The following AUH variants were observed in gnomAD, a reference collection of about 807,000 sequenced individuals.
The protein encoded by AUH is methylglutaconyl-CoA hydratase, mitochondrial.
A neutral mutation model predicts 42.3 loss-of-function variants in AUH; 29 were observed. The observed-to-expected ratio is 0.69, with a 90% CI of 0.51 to 0.93. The LOEUF is 0.93. Among genes scored for constraint, AUH ranks in the 40% least tolerant of loss-of-function variants. AUH has a pLI of 0.00. For missense variants in AUH, 452 were observed against 438.1 expected (o/e 1.03, Z -0.28); for synonymous variants, 174 against 166.4 (o/e 1.05, Z -0.35).
chr9:91,249,723 G>C (rs1306080181), intron 6 of AUH, among the ~76,000 whole-genome samples: 1 of 152,016 alleles, frequency 6.6e-6, no homozygotes, highest in Non-Finnish European at 1.5e-5. Flanking sequence ...TTTAAATCAG[G>C]GGTTCTGGCC....
chr9:91,268,516 G>A (rs7869154), intron 6 of AUH, among the ~76,000 whole-genome samples: 17,484 of 151,826 alleles, frequency 0.12, 1,129 homozygotes, highest in African/African-American at 0.17. Flanking sequence ...CTGCAACCTC[G>A]GCCTTCCAGG....
intron 3 of AUH, among the ~76,000 whole-genome samples, chr9:91,342,508 T>C (rs1831184017): frequency 6.6e-6 from 1 of 152,222 alleles, no homozygotes; most frequent in Non-Finnish European, 1.5e-5. Context: ...AGCAGAGTGA[T>C]GTGATCCATT....
At chr9:91,218,404 T>C (rs1414036298) in intron 7 of AUH, among the ~76,000 whole-genome samples, 1 of 152,212 alleles carries the variant, frequency 6.6e-6, no homozygotes, top group African/African-American at 2.4e-5. Context: ...GGTGTGCTCC[T>C]CTAATTTTTC....
chr9:91,223,426 C>T (rs1188848307), intron 6 of AUH, among the ~76,000 whole-genome samples: 1 of 151,970 alleles, frequency 6.6e-6, no homozygotes, highest in Non-Finnish European at 1.5e-5. Context: ...GGCTGAATAA[C>T]ATTCCATTGT....
At chr9:91,250,411 G>C (rs182267188) in intron 6 of AUH, among the ~76,000 whole-genome samples, 106 of 152,326 alleles carry the variant, frequency 7.0e-4, no homozygotes, top group Middle Eastern at 3.4e-3. Flanking sequence ...CTTGTTCACT[G>C]CATGTCCTGA....
At chr9:91,283,175 C>T (rs1277573836) in intron 6 of AUH, among the ~76,000 whole-genome samples, 2 of 152,124 alleles carry the variant, frequency 1.3e-5, no homozygotes, top group African/African-American at 2.4e-5. Flanking sequence ...AATCAATAAA[C>T]GTAATCCAGC....
Position 91,299,452 on chromosome 9 carries a change from C to T in AUH, c.506-1376G>A, listed in dbSNP as rs531111332. 4.6e-5 allele frequency among the ~76,000 whole-genome samples: 7 copies of T among 152,268 alleles called. No individual in the cohort carries two copies. The South Asian group carries it at 1.0e-3, about 23-fold the overall frequency. On this transcript the variant is annotated intron_variant, in intron 4 of 9. Transcript: ENST00000375731. Reference sequence around the variant, plus strand: ...ATACACAGCTGCCGCCTGAAGCACTCCCAGAAGAGCAGGCGTGGAAGGGGC... The same window carrying T: ...ATACACAGCTGCCGCCTGAAGCACTTCCAGAAGAGCAGGCGTGGAAGGGGC...
At chr9:91,236,629 G>A (rs1369460522) in intron 6 of AUH, among the ~76,000 whole-genome samples, 2 of 152,158 alleles carry the variant, frequency 1.3e-5, no homozygotes, top group African/African-American at 4.8e-5. Context: ...AGGAAATCGA[G>A]ATTCAGAACA....
chr9:91,230,984 G>C (rs533346862), intron 6 of AUH, among the ~76,000 whole-genome samples: 2 of 152,354 alleles, frequency 1.3e-5, no homozygotes, highest in East Asian at 3.9e-4. Flanking sequence ...ATTTAAGTCT[G>C]CAGAGGTTAC....
intron 6 of AUH, among the ~76,000 whole-genome samples, chr9:91,232,734 T>C (rs1335966998): frequency 6.6e-6 from 1 of 152,258 alleles, no homozygotes; most frequent in Non-Finnish European, 1.5e-5. Context: ...TAAGGCTTTT[T>C]GCCTTGGCTG....
chr9:91,248,929 T>C (rs1382369231), intron 6 of AUH, among the ~76,000 whole-genome samples: 1 of 152,182 alleles, frequency 6.6e-6, no homozygotes, highest in East Asian at 1.9e-4. Context: ...AACACTGTGA[T>C]ACTGTGACTA....
chr9:91,349,381 A>C lies in AUH; in HGVS notation c.418+6502T>G, dbSNP rs190873621. On this transcript the variant is annotated intron_variant, in intron 3 of 9. Transcript: ENST00000375731. ...ATCATATATCTTAGGAAATTTCAAA[A>C]GAAAAAATCCTCATTCTCAGTAATT... Among the ~76,000 whole-genome samples the C allele has an allele frequency of 3.9e-5, 6 of 152,374 alleles. No homozygotes were observed. In the South Asian group the frequency reaches 6.2e-4, roughly 16 times the overall value.
intron 3 of AUH, among the ~76,000 whole-genome samples, chr9:91,343,540 G>A (rs1289560508): frequency 6.6e-6 from 1 of 152,224 alleles, no homozygotes; most frequent in Non-Finnish European, 1.5e-5. Flanking sequence ...GCTGAGGCAG[G>A]CGGCCTTGAG....
chr9:91,300,121 G>A (rs1827667748), intron 4 of AUH, among the ~76,000 whole-genome samples: 1 of 152,106 alleles, frequency 6.6e-6, no homozygotes, highest in Admixed American at 6.5e-5. Context: ...CTCCCTCCTT[G>A]TATTCCTCCC....
intron 3 of AUH, among the ~76,000 whole-genome samples, chr9:91,330,174 T>C (rs1306354078): frequency 2.0e-5 from 3 of 152,284 alleles, no homozygotes; most frequent in African/African-American, 7.2e-5. Context: ...TTCTATATAC[T>C]AGCAAAAGAA....
chr9:91,337,276 G>C (rs1830763419), intron 3 of AUH, among the ~76,000 whole-genome samples: 1 of 152,126 alleles, frequency 6.6e-6, no homozygotes, highest in East Asian at 1.9e-4. Context: ...ATCTGATGAA[G>C]AGTTACAGTA....
chr9:91,274,412 G>A (rs1255130411), intron 6 of AUH, among the ~76,000 whole-genome samples: 1 of 152,168 alleles, frequency 6.6e-6, no homozygotes, highest in East Asian at 1.9e-4. Context: ...CTGCAAACTG[G>A]AAGATGACAG....
chr9:91,254,892 A>T (rs537935855), intron 6 of AUH, among the ~76,000 whole-genome samples: 2 of 152,332 alleles, frequency 1.3e-5, no homozygotes, highest in Admixed American at 6.5e-5. Context: ...ATATGGGAGT[A>T]ACCTACCTTT....
chr9:91,299,602 A>T (rs987362499), intron 4 of AUH, among the ~76,000 whole-genome samples: 7 of 152,218 alleles, frequency 4.6e-5, no homozygotes, highest in African/African-American at 1.7e-4. Context: ...TGAAAAAAAT[A>T]ACAGCTATGT....
Sources: allele counts gnomAD v4.1 joint callset (sites outside exome capture counted in the v4.1 genomes callset), GRCh38; gene constraint gnomAD v4.1.1; transcripts MANE v1.5; gene names NCBI Gene and HGNC (gene_info 2026-07-23, HGNC 2026-07-21).